TANC2: variants seen among roughly 807,000 people sequenced by gnomAD.
TANC2 encodes the protein protein TANC2.
In TANC2, 26 loss-of-function variants were observed where a neutral mutation model predicts 210.5. The observed-to-expected ratio is 0.12, with a 90% CI of 0.09 to 0.17. TANC2 has a LOEUF of 0.17. TANC2 is among the 10% of genes least tolerant of loss of function. TANC2 has a pLI of 1.00. For synonymous variants in TANC2, 931 were observed against 967.1 expected, an observed-to-expected ratio of 0.96 and a Z score of 0.69; for missense variants, 2,129 against 2,608.9, an observed-to-expected ratio of 0.82 and a Z score of 4.01.
At chr17:63,299,343 G>T (rs1032270050) in intron 9 of TANC2, among the ~76,000 whole-genome samples, 10 of 152,080 alleles carry the variant, frequency 6.6e-5, no homozygotes, top group African/African-American at 2.2e-4. Context: ...TTGAGGAATC[G>T]CCACACTGAC....
intron 8 of TANC2, among the ~76,000 whole-genome samples, chr17:63,259,145 G>A (rs572449719): frequency 6.6e-6 from 1 of 152,250 alleles, no homozygotes; most frequent in South Asian, 2.1e-4. Context: ...CGAAATAGGG[G>A]CCCCAGAACT....
intron 2 of TANC2, among the ~76,000 whole-genome samples, chr17:63,065,730 A>G (rs529161168): frequency 3.3e-4 from 51 of 152,244 alleles, no homozygotes; most frequent in African/African-American, 1.1e-3. Context: ...TTCTTTGCCC[A>G]TTTTTAAATA....
intron 9 of TANC2, among the ~76,000 whole-genome samples, chr17:63,272,521 A>G (rs1224978495): frequency 6.6e-6 from 1 of 152,142 alleles, no homozygotes; most frequent in African/African-American, 2.4e-5. Flanking sequence ...TAAGAATAAC[A>G]TTGAATCTTA....
chr17:63,235,559 C>A (rs1598667500), intron 7 of TANC2, among the ~76,000 whole-genome samples: 1 of 151,944 alleles, frequency 6.6e-6, no homozygotes, highest in African/African-American at 2.4e-5. Context: ...TCTTCCTTAG[C>A]CTTTTACTTT....
chr17:63,295,879 G>A (rs190989548), intron 9 of TANC2, among the ~76,000 whole-genome samples: 161 of 152,192 alleles, frequency 1.1e-3, no homozygotes, highest in African/African-American at 3.6e-3. Context: ...CCATAATTCC[G>A]TTTGTCAGGA....
intron 11 of TANC2, among the ~76,000 whole-genome samples, chr17:63,334,302 C>G (rs533152321): frequency 1.6e-4 from 25 of 152,128 alleles, no homozygotes; most frequent in African/African-American, 6.0e-4. Flanking sequence ...AAAGCAAGAA[C>G]TTGCTCAAAA....
At chr17:63,075,841 A>G (rs544582309) in intron 3 of TANC2, among the ~76,000 whole-genome samples, 1 of 152,154 alleles carries the variant, frequency 6.6e-6, no homozygotes, top group South Asian at 2.1e-4. Flanking sequence ...ATAAAAAACT[A>G]TCAATAATGA....
At chr17:63,279,686 G>T (rs183391705) in intron 9 of TANC2, among the ~76,000 whole-genome samples, 21 of 152,200 alleles carry the variant, frequency 1.4e-4, no homozygotes, top group African/African-American at 4.6e-4. Context: ...CTTAGACTAG[G>T]TGCAGCAATC....
intron 4 of TANC2, among the ~76,000 whole-genome samples, chr17:63,101,396 A>G (rs1034502715): frequency 7.2e-5 from 11 of 152,238 alleles, no homozygotes; most frequent in South Asian, 4.1e-4. Flanking sequence ...CAAACTTTCA[A>G]GTGCCTTGTA....
chr17:63,046,989 C>A (rs7217090), intron 2 of TANC2, among the ~76,000 whole-genome samples: 4 of 152,008 alleles, frequency 2.6e-5, no homozygotes, highest in Non-Finnish European at 5.9e-5. Flanking sequence ...GATTTTTAGT[C>A]TATCAGTAGC....
chr17:63,377,105 C>T (rs2047449542), intron 14 of TANC2, among the ~76,000 whole-genome samples: 1 of 152,202 alleles, frequency 6.6e-6, no homozygotes, highest in Non-Finnish European at 1.5e-5. Flanking sequence ...GGAGATTGCA[C>T]AAAGCAGCAA....
intron 5 of TANC2, chr17:63,154,025 C>T (rs2039750912): frequency 6.6e-6 from 1 of 152,120 alleles, no homozygotes; most frequent in Non-Finnish European, 1.5e-5. Context: ...ATAGCATTAT[C>T]TTCTATAATA....
chr17:63,214,572 T>C (rs1598621287), intron 7 of TANC2, among the ~76,000 whole-genome samples: 1 of 152,336 alleles, frequency 6.6e-6, no homozygotes, highest in South Asian at 2.1e-4. Context: ...AGATTTGATA[T>C]CTGGTGAGGG....
intron 4 of TANC2, among the ~76,000 whole-genome samples, chr17:63,120,265 T>C (rs1287249540): frequency 5.3e-5 from 8 of 152,124 alleles, no homozygotes; most frequent in African/African-American, 1.4e-4. Context: ...AAATCCACTA[T>C]AGACCTCCCT....
At chr17:63,041,937 C>T (rs191120198) in intron 2 of TANC2, among the ~76,000 whole-genome samples, 28 of 152,248 alleles carry the variant, frequency 1.8e-4, no homozygotes, top group Admixed American at 5.2e-4. Context: ...GTTATTGACA[C>T]GCAAACAGCA....
chr17:63,317,729 C>T (rs2045358695), intron 10 of TANC2, among the ~76,000 whole-genome samples: 1 of 152,210 alleles, frequency 6.6e-6, no homozygotes, highest in Non-Finnish European at 1.5e-5. Context: ...GTGTGCTATG[C>T]ACATTGACTA....
At chr17:63,219,129 T>G (rs191438288) in intron 7 of TANC2, among the ~76,000 whole-genome samples, 2 of 152,252 alleles carry the variant, frequency 1.3e-5, no homozygotes, top group East Asian at 3.9e-4. Flanking sequence ...TGGGAAAATA[T>G]ACCATGTTCA....
intron 8 of TANC2, among the ~76,000 whole-genome samples, chr17:63,260,786 C>T (rs1471029668): frequency 2.0e-5 from 3 of 151,876 alleles, no homozygotes; most frequent in Non-Finnish European, 4.4e-5. Context: ...ATTTCTTTTG[C>T]ATCTACATTC....
intron 1 of TANC2, among the ~76,000 whole-genome samples, chr17:62,996,493 T>G (rs766526851): frequency 1.3e-5 from 2 of 152,176 alleles, no homozygotes; most frequent in Non-Finnish European, 2.9e-5. Context: ...CCCTTTTTTT[T>G]TTGTCTATAA....
Sources: allele counts gnomAD v4.1 joint callset (sites outside exome capture counted in the v4.1 genomes callset), GRCh38; gene constraint gnomAD v4.1.1; transcripts MANE v1.5; gene names NCBI Gene and HGNC (gene_info 2026-07-23, HGNC 2026-07-21).